The following CNBD1 variants were observed in gnomAD, a reference collection of about 807,000 sequenced individuals.
CNBD1 encodes cyclic nucleotide-binding domain-containing protein 1.
A neutral mutation model predicts 54.4 loss-of-function variants in CNBD1; 71 were observed. The observed-to-expected ratio is 1.30, with a 90% CI of 1.08 to 1.59. The LOEUF is 1.59. Ranked by LOEUF, CNBD1 falls within the 40% of genes most tolerant of loss-of-function variation. CNBD1 has a pLI of 0.00. For missense variants in CNBD1, 659 were observed against 518.0 expected (o/e 1.27, Z -2.64); for synonymous variants, 182 against 170.7 (o/e 1.07, Z -0.51).
At chr8:87,123,902 C>A (rs142502260) in intron 4 of CNBD1, among the ~76,000 whole-genome samples, 1 of 151,552 alleles carries the variant, frequency 6.6e-6, no homozygotes, top group Non-Finnish European at 1.5e-5. Flanking sequence ...TGATAAATTT[C>A]TAGACACATG....
At chr8:86,937,310 G>A (rs751017546) in intron 3 of CNBD1, among the ~76,000 whole-genome samples, 1 of 152,156 alleles carries the variant, frequency 6.6e-6, no homozygotes, top group Non-Finnish European at 1.5e-5. Context: ...CCCACAACAC[G>A]TGGGAATTAA....
intron 4 of CNBD1, among the ~76,000 whole-genome samples, chr8:87,192,150 T>A (rs2094152074): frequency 6.6e-6 from 1 of 152,042 alleles, no homozygotes; most frequent in African/African-American, 2.4e-5. Context: ...GTAAGAAAAA[T>A]AAGTAGAATG....
At chr8:87,132,720 T>C (rs1240490610) in intron 4 of CNBD1, among the ~76,000 whole-genome samples, 1 of 147,690 alleles carries the variant, frequency 6.8e-6, no homozygotes, top group African/African-American at 2.5e-5. Context: ...TATATTTGCA[T>C]ATATATGGAA....
At chr8:87,363,190 T>A (rs551546989) in intron 10 of CNBD1, among the ~76,000 whole-genome samples, 7 of 152,214 alleles carry the variant, frequency 4.6e-5, no homozygotes. Context: ...AACTCATCCT[T>A]TTTTTATGGC....
intron 4 of CNBD1, among the ~76,000 whole-genome samples, chr8:86,990,680 T>C (rs1409359044): frequency 6.6e-6 from 1 of 152,140 alleles, no homozygotes; most frequent in Admixed American, 6.6e-5. Context: ...TCTGGGTCTT[T>C]TGTTGTTTCA....
At chr8:86,995,720 G>C (rs1808857031) in intron 4 of CNBD1, among the ~76,000 whole-genome samples, 1 of 151,934 alleles carries the variant, frequency 6.6e-6, no homozygotes. Flanking sequence ...GTGAGAGAGA[G>C]AGAGAGACAG....
intron 2 of CNBD1, among the ~76,000 whole-genome samples, chr8:86,888,363 A>C (rs559018405): frequency 6.6e-6 from 1 of 152,220 alleles, no homozygotes; most frequent in Admixed American, 6.5e-5. Flanking sequence ...GTCAAGAGGG[A>C]TCATTTTCCC....
rs866990651 is a variant in CNBD1 at position 87,052,336 on chromosome 8, A to G, written c.431+112582A>G. On this transcript the variant is annotated intron_variant, in intron 4 of 10. Transcript: ENST00000518476. ...GTTTTTTAATATTAACTGCCCCTCA[A>G]TTGAATCAGGAGATAGAGAGATCTG... Among the ~76,000 whole-genome samples the G allele has an allele frequency of 2.0e-5, 3 of 152,182 alleles. 1 individual carries two copies. Among genetic ancestry groups the G allele is most frequent in the African/African-American group, 7.2e-5 (3 of 41,442 alleles).
intron 8 of CNBD1, among the ~76,000 whole-genome samples, chr8:87,316,161 T>G (rs1428326916): frequency 6.6e-6 from 1 of 151,952 alleles, no homozygotes. Context: ...AAGCATAACA[T>G]ACAAACAGCA....
intron 1 of CNBD1, among the ~76,000 whole-genome samples, chr8:86,884,165 A>G (rs1808645624): frequency 1.3e-5 from 2 of 149,812 alleles, no homozygotes; most frequent in African/African-American, 4.9e-5. Flanking sequence ...ACAAAACAAA[A>G]CAAAACAAAA....
At chr8:87,125,821 C>T (rs1447591675) in intron 4 of CNBD1, among the ~76,000 whole-genome samples, 4 of 151,776 alleles carry the variant, frequency 2.6e-5, no homozygotes, top group African/African-American at 9.7e-5. Flanking sequence ...TTAATCCCTC[C>T]GTCCTAACTG....
chr8:86,983,418 G>A (rs570643833), intron 4 of CNBD1, among the ~76,000 whole-genome samples: 21 of 152,270 alleles, frequency 1.4e-4, no homozygotes, highest in African/African-American at 4.8e-4. Context: ...GGGCACTGCT[G>A]AAAATATACC....
intron 8 of CNBD1, among the ~76,000 whole-genome samples, chr8:87,332,010 T>A (rs978151867): frequency 2.1e-5 from 3 of 145,964 alleles, no homozygotes; most frequent in South Asian, 2.1e-4. Flanking sequence ...ATTCTGTAGG[T>A]TGCATGTTCA....
At chr8:86,971,729 C>A (rs1222114978) in intron 4 of CNBD1, among the ~76,000 whole-genome samples, 1 of 151,748 alleles carries the variant, frequency 6.6e-6, no homozygotes, top group Admixed American at 6.6e-5. Flanking sequence ...GGATTATTTT[C>A]TTATTATATT....
Position 87,236,240 on chromosome 8 carries a change from G to A in CNBD1, c.578-679G>A, listed in dbSNP as rs115735349. 5.0e-3 allele frequency among the ~76,000 whole-genome samples: 763 copies of A among 152,178 alleles called. 9 individuals carry two copies. The highest frequency in any genetic ancestry group is 0.017 in the African/African-American group (722 of 41,538). On this transcript the variant is annotated intron_variant, in intron 5 of 10. Coordinates refer to ENST00000518476, the MANE Select transcript of CNBD1 (RefSeq NM_173538.3). ...CACTCTTACCCCCTTATTCTTCAAAGGCTTCAGAAGAACTGGAATTAATTT... is the reference window on the plus strand; with the variant it reads ...CACTCTTACCCCCTTATTCTTCAAAAGCTTCAGAAGAACTGGAATTAATTT...
rs1197033297 is a variant in CNBD1, at chr8:87,256,001, ATATATATATATATATTTTTTTTTT to A, written c.771+18891_771+18914del. ...TATATATATATATATATATATATAT[ATATATATATATATATTTTTTTTTT>A]TTTTTTTTTTTTTTTGAGACAGGGT... On this transcript the variant is annotated intron_variant, in intron 6 of 10. Transcript: ENST00000518476. 2.4e-4 allele frequency among the ~76,000 whole-genome samples: 4 copies of A among 16,514 alleles called. 1 individual carries two copies. Among genetic ancestry groups the A allele is most frequent in the South Asian group, 2.3e-3 (1 of 436 alleles). The allele number at this position is 16,514 out of a possible 152,430, so 10.8% of individuals were successfully genotyped here.
chr8:87,095,589 T>C (rs536698436), intron 4 of CNBD1, among the ~76,000 whole-genome samples: 1 of 152,352 alleles, frequency 6.6e-6, no homozygotes, highest in African/African-American at 2.4e-5. Context: ...TTGCATCTTA[T>C]TCACTGAGCA....
intron 5 of CNBD1, among the ~76,000 whole-genome samples, chr8:87,226,424 G>C (rs1049966922): frequency 6.7e-6 from 1 of 149,762 alleles, no homozygotes; most frequent in Non-Finnish European, 1.5e-5. Context: ...GCGTCCCAGA[G>C]ATTCTGGTAT....
At chr8:87,252,278 A>T (rs970068850) in intron 6 of CNBD1, among the ~76,000 whole-genome samples, 15 of 152,228 alleles carry the variant, frequency 9.9e-5, no homozygotes, top group Non-Finnish European at 2.9e-5. Flanking sequence ...ATATCTAAGT[A>T]TATAAAATTT....
Sources: allele counts gnomAD v4.1 joint callset (sites outside exome capture counted in the v4.1 genomes callset), GRCh38; gene constraint gnomAD v4.1.1; transcripts MANE v1.5; gene names NCBI Gene and HGNC (gene_info 2026-07-23, HGNC 2026-07-21).